The following CEPT1 variants were observed in gnomAD, a reference collection of about 807,000 sequenced individuals.
CEPT1 encodes choline/ethanolamine phosphotransferase 1.
A neutral mutation model predicts 42.6 loss-of-function variants in CEPT1; 7 were observed. The observed-to-expected ratio is 0.16, with a 90% confidence interval of 0.09 to 0.31. CEPT1 has a LOEUF of 0.31. CEPT1 is among the 10% of genes least tolerant of loss of function. The probability of loss-of-function intolerance (pLI) is 1.00; values close to 1 mark genes in which losing one functional copy is unlikely to be tolerated. For missense variants in CEPT1, 306 were observed against 502.1 expected (o/e 0.61, Z 3.73); for synonymous variants, 171 against 171.9 (o/e 0.99, Z 0.04).
At chr1:111,139,510 G>T (rs1654073529), upstream of CEPT1, 1 of 152,268 alleles carries the variant, frequency 6.6e-6, no homozygotes, top group African/African-American at 2.4e-5. Context: ...CAACAGGAAC[G>T]TGTACTCAAC....
chr1:111,145,090 A>T (rs893313696), intron 1 of CEPT1, among the ~76,000 whole-genome samples: 7 of 151,700 alleles, frequency 4.6e-5, no homozygotes, highest in African/African-American at 1.7e-4. Flanking sequence ...ATCTCGGCTC[A>T]CTGCAACCTT....
At chr1:111,141,773 A>G (rs939372139) in intron 1 of CEPT1, among the ~76,000 whole-genome samples, 1 of 152,164 alleles carries the variant, frequency 6.6e-6, no homozygotes, top group African/African-American at 2.4e-5. Flanking sequence ...CTTGTTAAAT[A>G]ATGCTGAACT....
In CEPT1 at chr1:111,183,523, T is replaced by G; in HGVS notation, c.1067T>G (p.Leu356Arg). Residue 356 changes from leucine (L) to arginine (R), a missense_variant, in exon 8 of 9, where the codon CTT becomes CGT. By Grantham distance (102) the Leu-to-Arg change is moderately radical. Transcript: ENST00000357172. The stretch of plus-strand genomic sequence containing the variant: ...GACACAGCATTCATAGGTCCGGCAC[T>G]TTTGTTTCTGGACCAGTATTTTAAC... ...LHDTAFIGPA[L>R]LFLDQYFNSF... 6.2e-7 allele frequency: 1 copy of G among 1,613,642 alleles called. No individual in the cohort carries two copies. Among genetic ancestry groups the G allele is most frequent in the Non-Finnish European group, 8.5e-7 (1 of 1,179,534 alleles).
At chr1:111,144,782 A>T (rs1168806495) in intron 1 of CEPT1, among the ~76,000 whole-genome samples, 1 of 152,244 alleles carries the variant, frequency 6.6e-6, no homozygotes, top group Non-Finnish European at 1.5e-5. Context: ...ATCATTTACC[A>T]AATACGAAAA....
chr1:111,169,489 C>G (rs1015540772), intron 4 of CEPT1, among the ~76,000 whole-genome samples: 18 of 152,106 alleles, frequency 1.2e-4, no homozygotes, highest in Non-Finnish European at 2.5e-4. Context: ...TAACAAAGTA[C>G]CCTATATTTA....
At chr1:111,160,693 G>C (rs1171303969) in intron 3 of CEPT1, 3 of 154,404 alleles carry the variant, frequency 1.9e-5, no homozygotes, top group East Asian at 1.9e-4. Context: ...TTGAGGTCTA[G>C]ACTTTTATAG....
intron 4 of CEPT1, among the ~76,000 whole-genome samples, chr1:111,173,939 A>G (rs907967185): frequency 9.9e-5 from 15 of 152,204 alleles, no homozygotes; most frequent in East Asian, 9.7e-4. Context: ...TTATATAACT[A>G]TTCCCTCTGA....
chr1:111,168,995 C>G (rs2101351587), intron 4 of CEPT1, among the ~76,000 whole-genome samples: 1 of 152,278 alleles, frequency 6.6e-6, no homozygotes, highest in South Asian at 2.1e-4. Flanking sequence ...CTATACACAG[C>G]CTCCTGTATA....
In CEPT1 at chr1:111,184,876, T is replaced by C. The variant is rs1021709807; in HGVS notation, c.*566T>C. The C allele has an allele frequency of 6.8e-6, 1 of 146,066 alleles. No individual in the cohort carries two copies. Among genetic ancestry groups the C allele is most frequent in the African/African-American group, 2.5e-5 (1 of 39,662 alleles). 9.0% of individuals were successfully genotyped at this position (146,066 alleles called of 1,614,324 possible). ...TTTTTTTTTTTTTTTTTTTAATTGCTCAAGAAATGATTCTCTCACAGGCTT... is the reference window on the plus strand; with the variant it reads ...TTTTTTTTTTTTTTTTTTTAATTGCCCAAGAAATGATTCTCTCACAGGCTT... On this transcript the variant is annotated 3_prime_UTR_variant, in exon 9 of 9. Transcript: ENST00000357172.
chr1:111,161,571 T>C (rs1655877608), intron 4 of CEPT1, among the ~76,000 whole-genome samples: 1 of 152,144 alleles, frequency 6.6e-6, no homozygotes, highest in Middle Eastern at 3.2e-3. Context: ...ACAGAAAAAT[T>C]CACTTTTTTT....
chr1:111,162,942 G>A (rs1655944971), intron 4 of CEPT1, among the ~76,000 whole-genome samples: 1 of 152,170 alleles, frequency 6.6e-6, no homozygotes, highest in Non-Finnish European at 1.5e-5. Flanking sequence ...CTCAAAGGAA[G>A]GAGGGTCTTG....
chr1:111,148,140 A>G, intron 2 of CEPT1, 87 bp downstream of exon 2: 2 of 974,486 alleles, frequency 2.1e-6, no homozygotes, highest in Non-Finnish European at 3.1e-6. Context: ...CTAAAGATAA[A>G]GTAATCTGAC....
intron 4 of CEPT1, among the ~76,000 whole-genome samples, chr1:111,166,084 A>G (rs1656131758): frequency 6.6e-6 from 1 of 152,190 alleles, no homozygotes; most frequent in Middle Eastern, 3.4e-3. Context: ...TCAGTTTCCA[A>G]CTTCCCTGTG....
intron 6 of CEPT1, chr1:111,182,586 G>A (rs1431030013): frequency 1.8e-6 from 1 of 570,458 alleles, no homozygotes; most frequent in Non-Finnish European, 3.0e-6. Context: ...AAATAAGCCT[G>A]GTCTCTTAAG....
rs115408123 is a variant in CEPT1, at chr1:111,163,075, C to A, written c.629+1779C>A. 5.8e-3 allele frequency among the ~76,000 whole-genome samples: 884 copies of A among 151,820 alleles called. 2 individuals carry two copies. Among genetic ancestry groups the A allele is most frequent in the Non-Finnish European group, 9.2e-3 (625 of 67,946 alleles). ...CTAAAGATATAGGAACAAAGGAGTT[C>A]TAGGGTAAAAGGCAGAGGCATTAAA... On this transcript the variant is annotated intron_variant, in intron 4 of 8. Coordinates refer to ENST00000357172, the MANE Select transcript of CEPT1 (RefSeq NM_006090.5).
At chr1:111,181,203 T>C (rs1476711306) in intron 5 of CEPT1, 1 of 152,122 alleles carries the variant, frequency 6.6e-6, no homozygotes, top group Non-Finnish European at 1.5e-5. Context: ...TAAGAACTCA[T>C]GGCTTATTAA....
chr1:111,178,631 C>A (rs946889383), intron 5 of CEPT1: 2 of 151,872 alleles, frequency 1.3e-5, no homozygotes, highest in Admixed American at 1.3e-4. Context: ...TTAAAAAAAA[C>A]AAAGAAGAAT....
At chr1:111,165,044 C>CTT (rs11323094) in intron 4 of CEPT1, among the ~76,000 whole-genome samples, 2,642 of 84,086 alleles carry the variant, frequency 0.031, 47 homozygotes, top group Middle Eastern at 0.045. Context: ...AAACATCGGT[C>CTT]TTTTTTTTTT....
At chr1:111,167,614 C>G in intron 4 of CEPT1, 2 of 978,556 alleles carry the variant, frequency 2.0e-6, no homozygotes, top group Non-Finnish European at 2.4e-6. Context: ...TCTGCTTATT[C>G]TGTTAACTTC....
Sources: allele counts gnomAD v4.1 joint callset (sites outside exome capture counted in the v4.1 genomes callset), GRCh38; gene constraint gnomAD v4.1.1; transcripts MANE v1.5; gene names NCBI Gene and HGNC (gene_info 2026-07-23, HGNC 2026-07-21).